Variants in JAKMIP3 observed in about 807,000 individuals in gnomAD.
JAKMIP3 encodes the protein janus kinase and microtubule-interacting protein 3.
Under a neutral mutation model 118.5 loss-of-function variants are expected in JAKMIP3, and 58 were observed. That is an observed-to-expected ratio of 0.49 (90% CI 0.40 to 0.61). The LOEUF (loss-of-function observed/expected upper bound fraction) is 0.61, where lower values mean the gene tolerates loss of function less well. Among genes scored for constraint, JAKMIP3 ranks in the 20% least tolerant of loss-of-function variants. The pLI is 0.00. For synonymous variants in JAKMIP3, 486 were observed against 451.2 expected, an observed-to-expected ratio of 1.08 and a Z score of -0.98; for missense variants, 950 against 1,109.0, an observed-to-expected ratio of 0.86 and a Z score of 2.04.
At chr10:132,142,615 C>T (rs2053759199) in intron 11 of JAKMIP3, among the ~76,000 whole-genome samples, 1 of 152,158 alleles carries the variant, frequency 6.6e-6, no homozygotes, top group Non-Finnish European at 1.5e-5. Context: ...TGGCGGGTGC[C>T]CTCTGCGGGC....
chr10:132,099,316 A>C (rs1364321629), intron 1 of JAKMIP3, among the ~76,000 whole-genome samples: 1 of 152,140 alleles, frequency 6.6e-6, no homozygotes, highest in Non-Finnish European at 1.5e-5. Flanking sequence ...TCCACACAGA[A>C]ACCTCCTGCC....
At chr10:132,106,369 C>A (rs1554932385) in intron 2 of JAKMIP3, among the ~76,000 whole-genome samples, 1 of 149,996 alleles carries the variant, frequency 6.7e-6, no homozygotes, top group Non-Finnish European at 1.5e-5. Flanking sequence ...AAAAAAAAAA[C>A]CCACAGCTGC....
At chr10:132,130,721 T>A (rs1436270559) in intron 3 of JAKMIP3, among the ~76,000 whole-genome samples, 1 of 152,194 alleles carries the variant, frequency 6.6e-6, no homozygotes, top group Non-Finnish European at 1.5e-5. Context: ...CTGGGGGTGA[T>A]GACGTGGCCT....
intron 1 of JAKMIP3, among the ~76,000 whole-genome samples, chr10:132,101,737 G>A (rs367651294): frequency 2.6e-5 from 4 of 152,088 alleles, no homozygotes; most frequent in East Asian, 3.9e-4. Context: ...CCTGTGTCTC[G>A]GGGGCTGTCT....
intron 2 of JAKMIP3, among the ~76,000 whole-genome samples, chr10:132,106,266 A>T (rs776810893): frequency 6.6e-6 from 1 of 151,880 alleles, no homozygotes; most frequent in Non-Finnish European, 1.5e-5. Flanking sequence ...TGAGTCTAGG[A>T]GGTTGAGGCT....
chr10:132,149,952 A>G (rs1328886452), intron 15 of JAKMIP3, 30 bp from the exon 16 acceptor site: 41 of 1,083,176 alleles, frequency 3.8e-5, no homozygotes, highest in Non-Finnish European at 4.8e-5. Context: ...CCCCGTGGCC[A>G]CTCACCCCTA....
rs1314717616 is a variant in JAKMIP3, at chr10:132,118,206, C to T, written c.633+632C>T. On this transcript the variant is annotated intron_variant, in intron 3 of 23. Transcript: ENST00000684848. This position sits in a 1 kb window ranked among gnomAD's most constrained non-coding sequence, Gnocchi z 4.8. ...GTGGATCAATGAGGTCTAACGTTGG[C>T]ATCTGGTGCAGCCTAATAGCTCCAG... is the stretch of plus-strand genomic sequence containing the variant. Among the ~76,000 whole-genome samples the T allele has an allele frequency of 2.0e-5, 3 of 152,176 alleles. No individual in the cohort carries two copies. The highest frequency in any genetic ancestry group is 4.4e-5 in the Non-Finnish European group (3 of 68,034).
At position 132,184,665 on chromosome 10, in the gene JAKMIP3, T is replaced by C. The variant is rs1432071401; in HGVS notation, c.*3412T>C. ...ACATTCCGTTCCATGCTAAGCAGTA[T>C]TCACAGGCCTAAAATAGGTTTGTAT... On this transcript the variant is annotated 3_prime_UTR_variant, in exon 24 of 24. Coordinates refer to ENST00000684848, the MANE Select transcript of JAKMIP3 (RefSeq NM_001323087.2). The C allele has an allele frequency of 2.0e-5, 3 of 152,240 alleles. No individual in the cohort carries two copies. The highest frequency in any genetic ancestry group is 7.2e-5 in the African/African-American group (3 of 41,458). 9.4% of individuals were successfully genotyped at this position (152,240 alleles called of 1,614,324 possible).
chr10:132,055,215 C>T (rs951228426), intron 1 of JAKMIP3, among the ~76,000 whole-genome samples: 2 of 152,262 alleles, frequency 1.3e-5, no homozygotes, highest in South Asian at 2.1e-4. Context: ...CTCTGGGAGG[C>T]ATAGAAAACA....
chr10:132,150,799 C>T (rs2056007096), intron 16 of JAKMIP3, among the ~76,000 whole-genome samples: 2 of 147,480 alleles, frequency 1.4e-5, no homozygotes, highest in Middle Eastern at 3.2e-3. Context: ...TTCATTTATC[C>T]ATCCTCCATA....
At position 132,134,413 on chromosome 10, in the gene JAKMIP3, G is replaced by A. The variant is rs140048317; in HGVS notation, c.850-628G>A. Among the ~76,000 whole-genome samples, 657 of 152,306 alleles carry A rather than the reference G, an allele frequency of 4.3e-3. 3 individuals carry two copies. Among genetic ancestry groups the A allele is most frequent in the African/African-American group, 0.015 (623 of 41,546 alleles). ...GAGATCCAGCCCCTCCTGCTGGTGC[G>A]TGGTAGACTACAGCATTCACTCCAG... On this transcript the variant is annotated intron_variant, in intron 4 of 23. Coordinates refer to ENST00000684848, the MANE Select transcript of JAKMIP3 (RefSeq NM_001323087.2).
rs1250559242 is a variant in JAKMIP3 at position 132,139,354 on chromosome 10, G to GTA, written c.1345-1093_1345-1092dup. Among the ~76,000 whole-genome samples the GTA allele has an allele frequency of 1.4e-5, 2 of 144,356 alleles. 1 individual carries two copies. The highest frequency in any genetic ancestry group is 5.2e-5 in the African/African-American group (2 of 38,130). The allele number at this position is 144,356 out of a possible 152,430, so 94.7% of individuals were successfully genotyped here. ...TGTTTGTATGTGTGTACATGTGAGT[G>GTA]TATATGCGTCTGTACGTGTGTGAGT... On this transcript the variant is annotated intron_variant, in intron 9 of 23. Coordinates refer to ENST00000684848, the MANE Select transcript of JAKMIP3 (RefSeq NM_001323087.2).
Position 132,166,509 on chromosome 10 carries a change from G to A in JAKMIP3, c.2491-474G>A, listed in dbSNP as rs563296103. Among the ~76,000 whole-genome samples the A allele has an allele frequency of 2.4e-3, 371 of 152,276 alleles. 2 individuals carry two copies. The highest frequency in any genetic ancestry group is 8.4e-3 in the African/African-American group (351 of 41,540). On this transcript the variant is annotated intron_variant, in intron 21 of 23. Transcript: ENST00000684848. ...GTGCTGGTTGTACTTTGCTGCTTACGGTGGGACTGAGACCACAATATTCTC... is the reference window on the plus strand; with the variant it reads ...GTGCTGGTTGTACTTTGCTGCTTACAGTGGGACTGAGACCACAATATTCTC...
intron 22 of JAKMIP3, 97 bp from the exon 23 acceptor site, chr10:132,167,856 A>ACCTCTCGGCCCTCGCCCCTCG: frequency 5.9e-6 from 2 of 338,468 alleles, no homozygotes; most frequent in Non-Finnish European, 4.5e-6. Context: ...CTCGCCCCTC[A>ACCTCTCGGCCCTCGCCCCTCG]CCCCTCGGCC....
At chr10:132,046,277 A>AC (rs1331321147) in intron 1 of JAKMIP3, among the ~76,000 whole-genome samples, 1 of 151,672 alleles carries the variant, frequency 6.6e-6, no homozygotes, top group Non-Finnish European at 1.5e-5. Context: ...ACACAGTGAA[A>AC]CCCCCGTCTC....
intron 1 of JAKMIP3, among the ~76,000 whole-genome samples, chr10:132,102,667 C>T (rs2045163948): frequency 6.6e-6 from 1 of 152,202 alleles, no homozygotes. Flanking sequence ...CTTTCACCCT[C>T]CCTCTGTGAG....
rs368264770 is a variant in JAKMIP3 at position 132,133,308 on chromosome 10, G to A, written c.634-4G>A. The A allele has an allele frequency of 1.9e-6, 3 of 1,571,926 alleles. No individual in the cohort carries two copies. Among genetic ancestry groups the A allele is most frequent in the African/African-American group, 1.4e-5 (1 of 74,062 alleles). Reference sequence around the variant, plus strand: ...TGTGTGATTGTGTTCTGTTCTCCTTGTAGATGGAGGAGATAAAATTTAAAG... The same window carrying A: ...TGTGTGATTGTGTTCTGTTCTCCTTATAGATGGAGGAGATAAAATTTAAAG... On this transcript the variant is annotated splice_polypyrimidine_tract_variant and splice_region_variant and intron_variant, in intron 3 of 23. Transcript: ENST00000684848.
At chr10:132,127,419 C>CGT (rs988183473) in intron 3 of JAKMIP3, among the ~76,000 whole-genome samples, 2 of 79,864 alleles carry the variant, frequency 2.5e-5, no homozygotes, top group East Asian at 5.6e-4. Flanking sequence ...TGTGTGTGTG[C>CGT]GTGTGTGTGT....
chr10:132,095,639 C>T (rs940822556), intron 1 of JAKMIP3, among the ~76,000 whole-genome samples: 4 of 152,184 alleles, frequency 2.6e-5, no homozygotes, highest in Non-Finnish European at 4.4e-5. Context: ...CGATTTATTC[C>T]TGCAGTCGTT....
Sources: allele counts gnomAD v4.1 joint callset (sites outside exome capture counted in the v4.1 genomes callset), GRCh38; gene constraint gnomAD v4.1.1; non-coding constraint Gnocchi (gnomAD v3.1); transcripts MANE v1.5; gene names NCBI Gene and HGNC (gene_info 2026-07-23, HGNC 2026-07-21).